HOMER2: variants seen among roughly 807,000 people sequenced by gnomAD.
HOMER2 encodes the protein homer protein homolog 2.
A neutral mutation model predicts 47.0 loss-of-function variants in HOMER2; 27 were observed. That is an observed-to-expected ratio of 0.57 (90% CI 0.42 to 0.79). The LOEUF (loss-of-function observed/expected upper bound fraction) is 0.79, where lower values mean the gene tolerates loss of function less well. Ranked by LOEUF, HOMER2 falls within the 30% of genes least tolerant of loss-of-function variation. HOMER2 has a pLI of 0.00. For synonymous variants in HOMER2, 161 were observed against 163.8 expected (o/e 0.98, Z 0.13); for missense variants, 443 against 435.0 (o/e 1.02, Z -0.16).
chr15:82,868,511 C>A (rs2052052583), intron 3 of HOMER2, among the ~76,000 whole-genome samples: 2 of 67,874 alleles, frequency 2.9e-5, no homozygotes, highest in African/African-American at 5.6e-5. Flanking sequence ...TTATATATAT[C>A]ACTTATTTAT....
At chr15:82,843,470 A>AG (rs2051198612) in exon 2 of HOMER2, 2 of 141,446 alleles carry the variant, frequency 1.4e-5, no homozygotes, top group Non-Finnish European at 1.6e-5. Context: ...AAAAAAAAAA[A>AG]AAGAATTGGA....
chr15:82,904,740 C>T (rs1356344314), intron 1 of HOMER2, among the ~76,000 whole-genome samples: 1 of 152,086 alleles, frequency 6.6e-6, no homozygotes, highest in Non-Finnish European at 1.5e-5. Context: ...CACAAACTCA[C>T]CTAAAGACTG....
Position 82,867,943 on chromosome 15 carries a change from G to T in HOMER2, c.295-3684C>A, listed in dbSNP as rs1397898596. Among the ~76,000 whole-genome samples the T allele has an allele frequency of 2.6e-5, 4 of 152,236 alleles. No individual in the cohort carries two copies. The East Asian group carries it at 5.8e-4, about 22-fold the overall frequency. ...CTCTCAAAGCCTCCAACTAGCAGAA[G>T]AAAACTGCCAGTCATGAGAGCCGCC... On this transcript the variant is annotated intron_variant, in intron 3 of 8. Coordinates refer to ENST00000450735, the MANE Select transcript of HOMER2 (RefSeq NM_004839.4).
At chr15:82,968,683 A>C (rs1318420356) in intron 1 of HOMER2, among the ~76,000 whole-genome samples, 1 of 152,262 alleles carries the variant, frequency 6.6e-6, no homozygotes, top group Non-Finnish European at 1.5e-5. Context: ...ACAGGTGCAT[A>C]GTATTCCATC....
At chr15:82,981,275 C>A (rs767380040) in intron 1 of HOMER2, among the ~76,000 whole-genome samples, 1 of 152,158 alleles carries the variant, frequency 6.6e-6, no homozygotes, top group African/African-American at 2.4e-5. Context: ...GGTTATTGTC[C>A]AAGATCACGA....
chr15:82,893,962 T>G (rs1020914295), intron 1 of HOMER2, among the ~76,000 whole-genome samples: 5 of 152,212 alleles, frequency 3.3e-5, no homozygotes, highest in African/African-American at 1.2e-4. Context: ...GATAGAATTA[T>G]TTTTTATCTC....
At chr15:82,903,924 G>A (rs1034389455) in intron 1 of HOMER2, among the ~76,000 whole-genome samples, 21 of 152,250 alleles carry the variant, frequency 1.4e-4, no homozygotes, top group African/African-American at 3.1e-4. Flanking sequence ...ATCAGTTGAC[G>A]CCAGGAGTTC....
intron 1 of HOMER2, among the ~76,000 whole-genome samples, chr15:82,906,318 TGACA>T (rs2053284066): frequency 6.6e-6 from 1 of 152,088 alleles, no homozygotes; most frequent in East Asian, 1.9e-4. Context: ...GTAACAAATA[TGACA>T]GATATTAATC....
At chr15:82,897,061 A>ATTT (rs1489192383) in intron 1 of HOMER2, among the ~76,000 whole-genome samples, 22 of 46,018 alleles carry the variant, frequency 4.8e-4, no homozygotes, top group Middle Eastern at 0.019. Flanking sequence ...ATTTGATGTC[A>ATTT]TTTCTTTTTT....
intron 1 of HOMER2, among the ~76,000 whole-genome samples, chr15:82,968,209 C>T (rs2054693194): frequency 6.6e-6 from 1 of 152,102 alleles, no homozygotes. Context: ...GCCATTTTAA[C>T]CACAGCGGAA....
At chr15:82,899,025 C>T (rs920612928) in intron 1 of HOMER2, among the ~76,000 whole-genome samples, 3 of 152,232 alleles carry the variant, frequency 2.0e-5, no homozygotes, top group Non-Finnish European at 2.9e-5. Flanking sequence ...GACAGGTCTT[C>T]CTCTAGTCCA....
chr15:82,902,257 G>A (rs1339354328), intron 1 of HOMER2, among the ~76,000 whole-genome samples: 4 of 148,658 alleles, frequency 2.7e-5, no homozygotes, highest in Middle Eastern at 7.2e-3. Context: ...TAATGCAGTG[G>A]TGCAATCTCG....
At chr15:82,871,503 G>A (rs2052174471) in intron 3 of HOMER2, among the ~76,000 whole-genome samples, 1 of 152,154 alleles carries the variant, frequency 6.6e-6, no homozygotes, top group Admixed American at 6.5e-5. Context: ...TGTTGAGATG[G>A]CCAGACTCAC....
intron 4 of HOMER2, 115 bp from the exon 5 acceptor site, chr15:82,859,250 G>A: frequency 6.7e-7 from 1 of 1,497,478 alleles, no homozygotes; most frequent in Non-Finnish European, 9.1e-7. Flanking sequence ...AACTTTACGA[G>A]TGTGGACGAA....
intron 2 of HOMER2, among the ~76,000 whole-genome samples, chr15:82,880,009 G>C (rs1157658706): frequency 6.6e-6 from 1 of 151,874 alleles, no homozygotes; most frequent in African/African-American, 2.4e-5. Flanking sequence ...AGTTACAAAA[G>C]AACACATACA....
rs950229310 is a variant in HOMER2, at chr15:82,938,244, C to T, written c.5+14287G>A. Among the ~76,000 whole-genome samples, 5 of 152,248 alleles carry T rather than the reference C, an allele frequency of 3.3e-5. 1 individual carries two copies. Among genetic ancestry groups the T allele is most frequent in the African/African-American group, 2.4e-5 (1 of 41,552 alleles). On this transcript the variant is annotated intron_variant, in intron 1 of 8. Transcript: ENST00000450735. ...CAAAAATTAACCGGGCGTGGTGGTA[C>T]ACACCTGTAATCCCAGCTACTCAGG...
chr15:82,858,737 C>T (rs2051671798), intron 5 of HOMER2, among the ~76,000 whole-genome samples: 1 of 151,854 alleles, frequency 6.6e-6, no homozygotes, highest in Admixed American at 6.6e-5. Flanking sequence ...TCTGACACTA[C>T]CACACTCATG....
chr15:82,946,431 A>T (rs2054383658), intron 1 of HOMER2, among the ~76,000 whole-genome samples: 1 of 152,170 alleles, frequency 6.6e-6, no homozygotes. Context: ...TGCTCCAGCC[A>T]TACTAGCTTC....
downstream of HOMER2, among the ~76,000 whole-genome samples, chr15:82,848,717 A>G (rs1447125490): frequency 6.6e-6 from 1 of 152,196 alleles, no homozygotes; most frequent in Non-Finnish European, 1.5e-5. Flanking sequence ...TCCCTGGGTC[A>G]CCATTCCTAG....
Sources: allele counts gnomAD v4.1 joint callset (sites outside exome capture counted in the v4.1 genomes callset), GRCh38; gene constraint gnomAD v4.1.1; transcripts MANE v1.5; gene names NCBI Gene and HGNC (gene_info 2026-07-23, HGNC 2026-07-21).